ITGB6: variants seen among roughly 807,000 people sequenced by gnomAD.
The protein encoded by ITGB6 is integrin beta-6.
ITGB6 carries 80 observed loss-of-function variants against 84.5 expected under a neutral mutation model. The observed-to-expected ratio is 0.95, with a 90% CI of 0.79 to 1.14. The LOEUF (loss-of-function observed/expected upper bound fraction) is 1.14. ITGB6 is among the 50% of genes most tolerant of loss of function. The pLI, the probability that ITGB6 is intolerant of heterozygous loss-of-function variation, is 0.00. For synonymous variants in ITGB6, 383 were observed against 354.9 expected (o/e 1.08, Z -0.89); for missense variants, 1,006 against 968.0 (o/e 1.04, Z -0.52).
chr2:160,182,842 A>G (rs1407292414), intron 4 of ITGB6, among the ~76,000 whole-genome samples: 1 of 152,230 alleles, frequency 6.6e-6, no homozygotes, highest in African/African-American at 2.4e-5. Flanking sequence ...AATATTCAAC[A>G]TTCTTAAAGA....
At chr2:160,141,085 AT>A (rs990916207) in intron 8 of ITGB6, among the ~76,000 whole-genome samples, 6 of 151,908 alleles carry the variant, frequency 3.9e-5, no homozygotes, top group African/African-American at 1.2e-4. Flanking sequence ...TTTTTTTGTA[AT>A]TTTAAAACAT....
intron 8 of ITGB6, among the ~76,000 whole-genome samples, chr2:160,141,162 C>T (rs1384363541): frequency 1.3e-5 from 2 of 151,802 alleles, no homozygotes; most frequent in Non-Finnish European, 2.9e-5. Flanking sequence ...AATAGTAGAG[C>T]TTTACTCCTT....
intron 13 of ITGB6, among the ~76,000 whole-genome samples, chr2:160,111,542 A>G (rs1682513720): frequency 6.6e-6 from 1 of 151,516 alleles, no homozygotes. Flanking sequence ...CCAAGTTCAC[A>G]ATCATCTTCA....
At chr2:160,127,989 A>C (rs1683302290) in intron 10 of ITGB6, among the ~76,000 whole-genome samples, 2 of 152,180 alleles carry the variant, frequency 1.3e-5, no homozygotes, top group Non-Finnish European at 1.5e-5. Context: ...TTTTACATTC[A>C]CCAGTTAGAT....
intron 13 of ITGB6, among the ~76,000 whole-genome samples, chr2:160,109,788 G>T (rs1697054293): frequency 6.6e-6 from 1 of 152,196 alleles, no homozygotes; most frequent in South Asian, 2.1e-4. Flanking sequence ...ATCTAACTGT[G>T]CTACATGCGT....
intron 7 of ITGB6, among the ~76,000 whole-genome samples, chr2:160,163,054 T>C (rs1354086046): frequency 6.6e-6 from 1 of 152,192 alleles, no homozygotes; most frequent in Non-Finnish European, 1.5e-5. Flanking sequence ...CCATAGACAG[T>C]AGCTGTTTTA....
At chr2:160,184,387 G>A (rs771818408) in intron 4 of ITGB6, among the ~76,000 whole-genome samples, 15 of 152,134 alleles carry the variant, frequency 9.9e-5, no homozygotes, top group Non-Finnish European at 1.8e-4. Context: ...AGAAGAAATG[G>A]ATACATTCCT....
At chr2:160,199,012 C>T (rs1470851113) in intron 2 of ITGB6, among the ~76,000 whole-genome samples, 167 bp downstream of exon 2, 1 of 152,210 alleles carries the variant, frequency 6.6e-6, no homozygotes, top group African/African-American at 2.4e-5. Context: ...AAAGTAATCA[C>T]ATGAATGCCA....
At chr2:160,183,150 C>T (rs1685753317) in intron 4 of ITGB6, among the ~76,000 whole-genome samples, 1 of 152,144 alleles carries the variant, frequency 6.6e-6, no homozygotes, top group African/African-American at 2.4e-5. Context: ...CAATATTAAC[C>T]TTAAATGTAA....
At chr2:160,174,775 T>A (rs1685351247) in intron 4 of ITGB6, among the ~76,000 whole-genome samples, 2 of 152,204 alleles carry the variant, frequency 1.3e-5, no homozygotes, top group South Asian at 2.1e-4. Context: ...TTCAGCCACA[T>A]CTTATTTTGA....
At chr2:160,172,003 G>A (rs1373733679) in intron 6 of ITGB6, among the ~76,000 whole-genome samples, 1 of 152,202 alleles carries the variant, frequency 6.6e-6, no homozygotes, top group African/African-American at 2.4e-5. Context: ...GGATACATAG[G>A]GGTCTATTGA....
At chr2:160,160,267 C>T (rs1684768888) in intron 7 of ITGB6, among the ~76,000 whole-genome samples, 1 of 152,110 alleles carries the variant, frequency 6.6e-6, no homozygotes, top group Admixed American at 6.5e-5. Flanking sequence ...AGCAGAGAAA[C>T]AATGAAAAAT....
intron 7 of ITGB6, among the ~76,000 whole-genome samples, chr2:160,168,562 A>G (rs1478422113): frequency 1.3e-5 from 2 of 152,178 alleles, no homozygotes; most frequent in Non-Finnish European, 2.9e-5. Context: ...AACCACAGAA[A>G]TCTTTTGTAT....
intron 11 of ITGB6, among the ~76,000 whole-genome samples, chr2:160,124,732 C>T (rs976247179): frequency 3.3e-5 from 5 of 152,136 alleles, no homozygotes; most frequent in African/African-American, 9.7e-5. Context: ...ACACCCCACC[C>T]GCACCCATAA....
chr2:160,107,635 C>T, intron 14 of ITGB6, 44 bp downstream of exon 14: 2 of 1,585,098 alleles, frequency 1.3e-6, no homozygotes, highest in Non-Finnish European at 1.7e-6. Flanking sequence ...TTCCACCAGC[C>T]TCTTTCTCCC....
chr2:160,196,691 G>A (rs1686356252), intron 2 of ITGB6, among the ~76,000 whole-genome samples: 1 of 152,056 alleles, frequency 6.6e-6, no homozygotes, highest in Admixed American at 6.5e-5. Flanking sequence ...GTGTGTGTGT[G>A]TGTCTGTGTG....
intron 4 of ITGB6, among the ~76,000 whole-genome samples, chr2:160,192,922 A>G (rs1686197522): frequency 6.6e-6 from 1 of 152,124 alleles, no homozygotes; most frequent in Admixed American, 6.6e-5. Context: ...GATGCAAATT[A>G]AAGCTACAAT....
intron 6 of ITGB6, among the ~76,000 whole-genome samples, chr2:160,170,259 A>G (rs1459909984): frequency 6.6e-6 from 1 of 152,172 alleles, no homozygotes; most frequent in Non-Finnish European, 1.5e-5. Context: ...CTACTGGAGT[A>G]TTTTCATCTA....
In ITGB6 at chr2:160,110,880, C is replaced by A. The variant is rs1272046026; in HGVS notation, c.2101+1200G>T. Among the ~76,000 whole-genome samples, 4 of 152,150 alleles carry A rather than the reference C, an allele frequency of 2.6e-5. No homozygotes were observed. The South Asian group carries it at 6.2e-4, about 24-fold the overall frequency. ...GAAGTGCCAGGCCTACCCAACCATG[C>A]GGACATTTGTTGAGGAAGAGGGAGC... is the stretch of plus-strand genomic sequence containing the variant. On this transcript the variant is annotated intron_variant, in intron 13 of 14. Transcript: ENST00000283249.
Sources: allele counts gnomAD v4.1 joint callset (sites outside exome capture counted in the v4.1 genomes callset), GRCh38; gene constraint gnomAD v4.1.1; transcripts MANE v1.5; gene names NCBI Gene and HGNC (gene_info 2026-07-23, HGNC 2026-07-21).